The following CLYBL variants were observed in gnomAD, a reference collection of about 807,000 sequenced individuals.
CLYBL encodes citramalyl-CoA lyase, mitochondrial.
In CLYBL, 31 loss-of-function variants were observed where a neutral mutation model predicts 38.9. The observed-to-expected ratio is 0.80, with a 90% CI of 0.60 to 1.08. CLYBL has a LOEUF of 1.08. Among genes scored for constraint, CLYBL ranks in the 50% least tolerant of loss-of-function variants. The probability of loss-of-function intolerance (pLI) is 0.00; values close to 1 mark genes in which losing one functional copy is unlikely to be tolerated. For synonymous variants in CLYBL, 171 were observed against 158.6 expected (o/e 1.08, Z -0.59); for missense variants, 434 against 411.6 (o/e 1.05, Z -0.47).
chr13:99,701,870 C>T (rs866905277), intron 1 of CLYBL, among the ~76,000 whole-genome samples: 9 of 151,566 alleles, frequency 5.9e-5, no homozygotes, highest in Middle Eastern at 3.5e-3. Context: ...TGGGGATTCA[C>T]CATGTTGGCC....
At chr13:99,691,764 C>T (rs1479724888) in intron 1 of CLYBL, among the ~76,000 whole-genome samples, 1 of 152,202 alleles carries the variant, frequency 6.6e-6, no homozygotes, top group Non-Finnish European at 1.5e-5. Flanking sequence ...CCTGGCAAGT[C>T]CCTTCTATGT....
At chr13:99,790,064 A>G (rs1389649481) in intron 2 of CLYBL, among the ~76,000 whole-genome samples, 2 of 151,898 alleles carry the variant, frequency 1.3e-5, no homozygotes, top group Non-Finnish European at 2.9e-5. Flanking sequence ...ATCTTCCTCC[A>G]TCCCTTTATT....
intron 1 of CLYBL, among the ~76,000 whole-genome samples, chr13:99,650,875 G>C (rs1214031182): frequency 6.6e-6 from 1 of 152,152 alleles, no homozygotes; most frequent in Non-Finnish European, 1.5e-5. Context: ...ACCTTACAGT[G>C]TTCTTTACAC....
chr13:99,866,486 C>G, intron 6 of CLYBL, 79 bp downstream of exon 6: 2 of 1,245,124 alleles, frequency 1.6e-6, no homozygotes, highest in Non-Finnish European at 2.3e-6. Context: ...GAAAACACCC[C>G]TAATCTCATC....
intron 2 of CLYBL, among the ~76,000 whole-genome samples, chr13:99,780,041 C>T (rs907583355): frequency 3.3e-5 from 5 of 151,958 alleles, no homozygotes; most frequent in East Asian, 1.9e-4. Context: ...AAATCTTTAC[C>T]GACTTCTATC....
chr13:99,875,959 A>G (rs904376309), intron 7 of CLYBL, among the ~76,000 whole-genome samples: 2 of 152,174 alleles, frequency 1.3e-5, no homozygotes, highest in East Asian at 1.9e-4. Flanking sequence ...GAGTCTGCCA[A>G]TGATGACTTT....
intron 2 of CLYBL, among the ~76,000 whole-genome samples, chr13:99,838,344 G>A (rs1245801017): frequency 6.6e-6 from 1 of 152,140 alleles, no homozygotes; most frequent in African/African-American, 2.4e-5. Context: ...TTGGAGGAGG[G>A]GGGTTCTTTC....
At chr13:99,653,374 C>CA (rs570707225) in intron 1 of CLYBL, among the ~76,000 whole-genome samples, 53 of 137,752 alleles carry the variant, frequency 3.8e-4, no homozygotes, top group East Asian at 1.0e-3. Context: ...GAGGACCGGC[C>CA]AAAAAAAAAA....
At chr13:99,819,417 TA>T (rs1399236798) in intron 2 of CLYBL, among the ~76,000 whole-genome samples, 16 of 2,536 alleles carry the variant, frequency 6.3e-3, no homozygotes, top group African/African-American at 2.6e-3. Flanking sequence ...GGAAAAAATT[TA>T]TATATATATA....
At chr13:99,883,856 A>G (rs2052279836) in intron 7 of CLYBL, among the ~76,000 whole-genome samples, 1 of 152,116 alleles carries the variant, frequency 6.6e-6, no homozygotes. Context: ...TGTTCCTTGA[A>G]GCCCTTCCCT....
intron 2 of CLYBL, among the ~76,000 whole-genome samples, chr13:99,817,148 T>C (rs1348598207): frequency 6.6e-6 from 1 of 152,208 alleles, no homozygotes; most frequent in African/African-American, 2.4e-5. Flanking sequence ...TTCATTGAGA[T>C]CGTAGTGTGT....
intron 2 of CLYBL, among the ~76,000 whole-genome samples, chr13:99,788,259 G>A (rs560784748): frequency 1.1e-3 from 161 of 152,248 alleles, no homozygotes; most frequent in African/African-American, 3.6e-3. Flanking sequence ...GGTGAGAGAG[G>A]GCATCCCTGT....
intron 2 of CLYBL, among the ~76,000 whole-genome samples, chr13:99,795,535 T>TC (rs2050004340): frequency 6.6e-6 from 1 of 151,822 alleles, no homozygotes; most frequent in Admixed American, 6.6e-5. Flanking sequence ...GTGCTTGTGG[T>TC]CCCAGTTACT....
intron 2 of CLYBL, among the ~76,000 whole-genome samples, chr13:99,857,856 A>G (rs1453704320): frequency 6.6e-6 from 1 of 152,236 alleles, no homozygotes; most frequent in Non-Finnish European, 1.5e-5. Flanking sequence ...GAGAAGCTTT[A>G]AAGTTTTATT....
chr13:99,817,429 C>T (rs1380164650), intron 2 of CLYBL, among the ~76,000 whole-genome samples: 2 of 151,912 alleles, frequency 1.3e-5, no homozygotes, highest in Admixed American at 6.6e-5. Flanking sequence ...GAGGCCGAGG[C>T]GGGCGGATCA....
intron 1 of CLYBL, among the ~76,000 whole-genome samples, chr13:99,756,967 G>A (rs888084743): frequency 4.6e-5 from 7 of 152,022 alleles, no homozygotes; most frequent in African/African-American, 1.7e-4. Context: ...ACGTGATCAT[G>A]GCCCACTGCA....
intron 1 of CLYBL, among the ~76,000 whole-genome samples, chr13:99,678,240 G>A (rs1309054753): frequency 6.6e-6 from 1 of 152,166 alleles, no homozygotes; most frequent in Non-Finnish European, 1.5e-5. Flanking sequence ...CATCTGCACT[G>A]CGGCAGAGTT....
At chr13:99,717,437 A>G (rs1262906562) in intron 1 of CLYBL, among the ~76,000 whole-genome samples, 392 of 1,484 alleles carry the variant, frequency 0.26, 2 homozygotes, top group African/African-American at 0.34. Context: ...AAAAAATTAG[A>G]AAAAAAAAAA....
chr13:99,632,611 G>C (rs974110681), intron 1 of CLYBL, among the ~76,000 whole-genome samples: 1 of 152,092 alleles, frequency 6.6e-6, no homozygotes, highest in African/African-American at 2.4e-5. Flanking sequence ...CAGGTGTGCT[G>C]GTGGGCACCT....
Sources: allele counts gnomAD v4.1 joint callset (sites outside exome capture counted in the v4.1 genomes callset), GRCh38; gene constraint gnomAD v4.1.1; transcripts MANE v1.5; gene names NCBI Gene and HGNC (gene_info 2026-07-23, HGNC 2026-07-21).